Variants in PCDHA4 observed in about 807,000 individuals in gnomAD.
PCDHA4 encodes the protein protocadherin alpha 4.
Under a neutral mutation model 61.4 loss-of-function variants are expected in PCDHA4, and 49 were observed. The ratio of observed to expected loss-of-function variants is 0.80; its 90% confidence interval spans 0.63 to 1.01. The LOEUF is 1.01. Among genes scored for constraint, PCDHA4 ranks in the 50% least tolerant of loss-of-function variants. The pLI, the probability that PCDHA4 is intolerant of heterozygous loss-of-function variation, is 0.00. For synonymous variants in PCDHA4, 590 were observed against 550.3 expected (o/e 1.07, Z -1.01); for missense variants, 1,254 against 1,235.8 (o/e 1.01, Z -0.22).
intron 1 of PCDHA4, among the ~76,000 whole-genome samples, chr5:140,820,294 A>G (rs1420774304): frequency 6.6e-6 from 1 of 151,992 alleles, no homozygotes; most frequent in Non-Finnish European, 1.5e-5. Context: ...TATCAGAAAC[A>G]ATTCTATGAC....
At chr5:140,882,543 G>T (rs1357197569) in intron 1 of PCDHA4, 4 of 1,614,236 alleles carry the variant, frequency 2.5e-6, no homozygotes, top group Non-Finnish European at 3.4e-6. Context: ...CGGATCGACC[G>T]CGAGGAGCTG....
chr5:140,875,924 A>G (rs782181544), intron 1 of PCDHA4: 5 of 1,613,936 alleles, frequency 3.1e-6, no homozygotes, highest in Non-Finnish European at 4.2e-6. Context: ...CTGGACTCTC[A>G]TTTTCCTCTA....
chr5:140,925,935 CTCTTGGAG>C (rs35448813), intron 1 of PCDHA4, among the ~76,000 whole-genome samples: 7,062 of 152,190 alleles, frequency 0.046, 287 homozygotes, highest in African/African-American at 0.11. Context: ...CAAGTAGAGC[CTCTTGGAG>C]AAGGAGAAAC....
intron 1 of PCDHA4, among the ~76,000 whole-genome samples, chr5:140,961,237 G>A (rs1170465013): frequency 1.3e-5 from 2 of 152,136 alleles, no homozygotes; most frequent in African/African-American, 4.8e-5. Context: ...AAAAGGTGAT[G>A]GAATTTATCC....
intron 3 of PCDHA4, among the ~76,000 whole-genome samples, chr5:140,999,830 T>C (rs146250053): frequency 2.0e-5 from 3 of 152,238 alleles, no homozygotes; most frequent in Non-Finnish European, 4.4e-5. Context: ...GCTTTAAAAA[T>C]ATGCCAAGTG....
intron 1 of PCDHA4, chr5:140,877,100 C>A (rs782669477): frequency 2.5e-6 from 4 of 1,613,344 alleles, no homozygotes; most frequent in African/African-American, 1.3e-5. Context: ...GCCGGCGTGC[C>A]GCCTCTGGGC....
At chr5:140,944,354 A>G (rs2093646021) in intron 1 of PCDHA4, among the ~76,000 whole-genome samples, 1 of 151,968 alleles carries the variant, frequency 6.6e-6, no homozygotes, top group South Asian at 2.1e-4. Flanking sequence ...CACCTGGCTA[A>G]TTTTTAATTT....
At chr5:140,856,040 A>T (rs374986437) in intron 1 of PCDHA4, 4 of 1,569,320 alleles carry the variant, frequency 2.5e-6, no homozygotes, top group Non-Finnish European at 3.5e-6. Flanking sequence ...AAAACAAGAG[A>T]AGGATAAGAT....
chr5:140,997,375 G>A (rs983164883), intron 3 of PCDHA4, among the ~76,000 whole-genome samples: 1 of 152,066 alleles, frequency 6.6e-6, no homozygotes, highest in Non-Finnish European at 1.5e-5. Flanking sequence ...AGATGATATA[G>A]CATACTACAC....
At chr5:140,833,100 T>C (rs1432109647) in intron 1 of PCDHA4, among the ~76,000 whole-genome samples, 1 of 152,166 alleles carries the variant, frequency 6.6e-6, no homozygotes, top group Non-Finnish European at 1.5e-5. Context: ...ACGAGTAATT[T>C]TGACACTCTT....
At chr5:140,856,401 T>C (rs782164641) in intron 1 of PCDHA4, 20 of 1,598,386 alleles carry the variant, frequency 1.3e-5, no homozygotes, top group Non-Finnish European at 4.3e-6. Context: ...GTTTTCCATG[T>C]GGACGTGGAA....
chr5:140,874,216 C>A (rs1482061600), intron 1 of PCDHA4, among the ~76,000 whole-genome samples: 1 of 152,146 alleles, frequency 6.6e-6, no homozygotes, highest in African/African-American at 2.4e-5. Flanking sequence ...TTATTATATG[C>A]AGTAGGAATG....
intron 1 of PCDHA4, chr5:140,969,129 C>T: frequency 6.2e-7 from 1 of 1,614,144 alleles, no homozygotes; most frequent in Non-Finnish European, 8.5e-7. Context: ...GGCTCCCTCA[C>T]CAAGACCTAC....
At chr5:140,959,373 CA>C (rs1243465116) in intron 1 of PCDHA4, among the ~76,000 whole-genome samples, 26 of 145,126 alleles carry the variant, frequency 1.8e-4, no homozygotes, top group South Asian at 2.2e-4. Flanking sequence ...GACCCTGTCT[CA>C]AAAAAAAAAG....
In PCDHA4 at chr5:140,858,360, G is replaced by A. The variant is rs782369682; in HGVS notation, c.2385+48788G>A. The stretch of plus-strand genomic sequence containing the variant: ...CCCAAGGCGGACCTCATGGCCTTCA[G>A]CCCCAGCCTTCCACCATGCCCAATG... On this transcript the variant is annotated intron_variant, in intron 1 of 3. Coordinates refer to ENST00000530339, the MANE Select transcript of PCDHA4 (RefSeq NM_018907.4). 3 of 1,592,532 alleles carry A rather than the reference G, an allele frequency of 1.9e-6. No homozygotes were observed. The South Asian group carries it at 3.3e-5, about 18-fold the overall frequency.
chr5:140,941,191 TTTTCTTTCTTCCTTTCTTTCTTCC>T (rs1293685535), intron 1 of PCDHA4, among the ~76,000 whole-genome samples: 31 of 93,206 alleles, frequency 3.3e-4, no homozygotes, highest in African/African-American at 1.1e-3. Context: ...GCTTCTTTTT[TTTTCTTTCTTCCTTTCTTTCTTCC>T]TTTCTTTCTT....
intron 1 of PCDHA4, among the ~76,000 whole-genome samples, chr5:140,937,675 G>A (rs2091663642): frequency 6.6e-6 from 1 of 151,688 alleles, no homozygotes; most frequent in Admixed American, 6.6e-5. Flanking sequence ...CACTTTGGGA[G>A]GCTGAGGCAG....
At chr5:140,822,633 C>G (rs143650923) in intron 1 of PCDHA4, 5 of 1,610,466 alleles carry the variant, frequency 3.1e-6, no homozygotes, top group Non-Finnish European at 4.2e-6. Flanking sequence ...TTGTTCTTGA[C>G]GATGTAAAGT....
At chr5:140,851,466 A>C in intron 1 of PCDHA4, 1 of 895,524 alleles carries the variant, frequency 1.1e-6, no homozygotes, top group Non-Finnish European at 1.4e-6. Context: ...AAATTATGTC[A>C]ATAAATGTTA....
Sources: gnomAD v4.1 joint callset for allele counts (sites outside exome capture counted in the v4.1 genomes callset) on GRCh38, gnomAD v4.1.1 for gene constraint, MANE v1.5 for transcripts, NCBI Gene and HGNC (gene_info 2026-07-23, HGNC 2026-07-21) for gene names.